The following FAT3 variants were observed in gnomAD, a reference collection of about 807,000 sequenced individuals.
The protein encoded by FAT3 is protocadherin Fat 3.
FAT3 carries 95 observed loss-of-function variants against 310.2 expected under a neutral mutation model. The observed-to-expected ratio is 0.31, with a 90% CI of 0.26 to 0.36. The LOEUF (loss-of-function observed/expected upper bound fraction) is 0.36, where lower values mean the gene tolerates loss of function less well. Among genes scored for constraint, FAT3 ranks in the 10% least tolerant of loss-of-function variants. FAT3 has a pLI of 1.00. For synonymous variants in FAT3, 2,314 were observed against 2,192.9 expected (o/e 1.06, Z -1.54); for missense variants, 5,408 against 5,715.6 (o/e 0.95, Z 1.74).
intron 4 of FAT3, among the ~76,000 whole-genome samples, chr11:92,710,670 A>C (rs772327147): frequency 4.1e-4 from 63 of 152,198 alleles, no homozygotes; most frequent in Non-Finnish European, 8.5e-4. Flanking sequence ...TGCTTGCTTC[A>C]TCTCTGAATG....
At chr11:92,481,199 G>C (rs1361646264) in intron 2 of FAT3, among the ~76,000 whole-genome samples, 1 of 152,164 alleles carries the variant, frequency 6.6e-6, no homozygotes, top group Non-Finnish European at 1.5e-5. Flanking sequence ...AAAAGGAATT[G>C]TGCTGTTTCC....
intron 2 of FAT3, among the ~76,000 whole-genome samples, chr11:92,412,077 G>A (rs1950282009): frequency 1.3e-5 from 2 of 151,586 alleles, no homozygotes; most frequent in Admixed American, 6.6e-5. Context: ...GGAGTAGATG[G>A]GCATCTTATC....
At chr11:92,282,737 G>T (rs1026631378) in intron 1 of FAT3, among the ~76,000 whole-genome samples, 6 of 151,808 alleles carry the variant, frequency 4.0e-5, no homozygotes, top group African/African-American at 1.2e-4. Context: ...ATGCTTTAAG[G>T]ATCCTAAGTG....
chr11:92,260,841 A>T (rs1184799450), intron 1 of FAT3, among the ~76,000 whole-genome samples: 4 of 152,064 alleles, frequency 2.6e-5, no homozygotes, highest in African/African-American at 9.7e-5. Flanking sequence ...GAGTCGAGAC[A>T]ATTTTGAGAA....
Position 92,891,117 on chromosome 11 carries a change from T to C in FAT3, c.*4T>C. On this transcript the variant is annotated 3_prime_UTR_variant, in exon 28 of 28. Transcript: ENST00000525166. ...TCAGCATCAGACTCAAGTGTAGACA[T>C]CACATCTTGGGTACTTCACCCTGTT... The C allele has an allele frequency of 6.2e-7, 1 of 1,612,470 alleles. No individual in the cohort carries two copies. The highest frequency in any genetic ancestry group is 8.5e-7 in the Non-Finnish European group (1 of 1,179,218).
chr11:92,458,055 C>G (rs1951541562), intron 2 of FAT3, among the ~76,000 whole-genome samples: 2 of 152,210 alleles, frequency 1.3e-5, no homozygotes, highest in Admixed American at 6.5e-5. Context: ...TTCTTTAAAG[C>G]CTACTGCTTA....
At chr11:92,886,373 T>A (rs1379472837) in intron 24 of FAT3, among the ~76,000 whole-genome samples, 1 of 151,552 alleles carries the variant, frequency 6.6e-6, no homozygotes, top group Non-Finnish European at 1.5e-5. Flanking sequence ...ATCTGTGTGT[T>A]TCTGACTGTC....
intron 18 of FAT3, among the ~76,000 whole-genome samples, chr11:92,843,707 G>A (rs1370395987): frequency 6.6e-6 from 1 of 152,182 alleles, no homozygotes; most frequent in Non-Finnish European, 1.5e-5. Context: ...CGGCTTTATT[G>A]TGTTGATACA....
At chr11:92,569,001 G>T (rs1258784030) in intron 3 of FAT3, among the ~76,000 whole-genome samples, 7 of 152,116 alleles carry the variant, frequency 4.6e-5, no homozygotes, top group Non-Finnish European at 1.0e-4. Flanking sequence ...TTTTACTTTG[G>T]GAGGAATTTC....
intron 2 of FAT3, among the ~76,000 whole-genome samples, chr11:92,412,734 T>TATATACACACAC (rs1555038577): frequency 8.4e-5 from 1 of 11,880 alleles, no homozygotes; most frequent in Non-Finnish European, 2.4e-4. Context: ...TATATATATA[T>TATATACACACAC]ATATATATAT....
intron 1 of FAT3, among the ~76,000 whole-genome samples, chr11:92,259,856 AC>A (rs1865469679): frequency 6.6e-6 from 1 of 152,142 alleles, no homozygotes; most frequent in African/African-American, 2.4e-5. Flanking sequence ...GAGATTTTCA[AC>A]CTGCTTTCAT....
chr11:92,410,151 A>AT (rs149314482), intron 2 of FAT3, among the ~76,000 whole-genome samples: 37 of 151,626 alleles, frequency 2.4e-4, no homozygotes, highest in African/African-American at 5.3e-4. Context: ...GTGGTTGGTG[A>AT]TTTTTTTTTA....
At chr11:92,709,552 CG>C (rs1487251431) in intron 4 of FAT3, among the ~76,000 whole-genome samples, 1 of 152,140 alleles carries the variant, frequency 6.6e-6, no homozygotes, top group Non-Finnish European at 1.5e-5. Context: ...CAGATTACTC[CG>C]CTTTGTACCC....
At chr11:92,756,860 G>C (rs2136070574) in intron 4 of FAT3, among the ~76,000 whole-genome samples, 1 of 148,176 alleles carries the variant, frequency 6.7e-6, no homozygotes, top group Middle Eastern at 3.6e-3. Flanking sequence ...TTTTGTAATT[G>C]TCCTGCCTCC....
At chr11:92,497,556 G>A (rs1032742585) in intron 2 of FAT3, among the ~76,000 whole-genome samples, 1 of 152,022 alleles carries the variant, frequency 6.6e-6, no homozygotes, top group Non-Finnish European at 1.5e-5. Context: ...AAATGTAATA[G>A]TTGGCTGGAG....
At chr11:92,463,666 G>A (rs138988179) in intron 2 of FAT3, among the ~76,000 whole-genome samples, 1 of 152,148 alleles carries the variant, frequency 6.6e-6, no homozygotes, top group African/African-American at 2.4e-5. Context: ...AGACTCACTG[G>A]ATCAGCTGTT....
Position 92,335,810 on chromosome 11 carries a change from G to A in FAT3, c.-17-16286G>A, listed in dbSNP as rs576919057. Among the ~76,000 whole-genome samples, 93 of 152,240 alleles carry A rather than the reference G, an allele frequency of 6.1e-4. 1 individual carries two copies. In the Middle Eastern group the frequency reaches 0.01, roughly 17 times the overall value. ...GGAAATTGAAAATGAAATTAAAATG[G>A]AATCAGTGGAGAAGGAAGAAGGAGA... On this transcript the variant is annotated intron_variant, in intron 1 of 27. Transcript: ENST00000525166.
intron 7 of FAT3, among the ~76,000 whole-genome samples, chr11:92,778,601 A>G (rs1179626145): frequency 1.3e-5 from 2 of 152,228 alleles, no homozygotes; most frequent in African/African-American, 4.8e-5. Flanking sequence ...AAATTTTGGC[A>G]TGTGTATATG....
Position 92,277,793 on chromosome 11 carries a change from T to C in FAT3, c.-18+52619T>C, listed in dbSNP as rs1435459760. On this transcript the variant is annotated intron_variant, in intron 1 of 27. Coordinates refer to ENST00000525166, the MANE Select transcript of FAT3 (RefSeq NM_001367949.2). Reference sequence around the variant, plus strand: ...TGACGGGGTCACTTGTACTCCAAACTCAGAATCACACCATATACATTTGTA... The same window carrying C: ...TGACGGGGTCACTTGTACTCCAAACCCAGAATCACACCATATACATTTGTA... 4.6e-5 allele frequency among the ~76,000 whole-genome samples: 7 copies of C among 151,748 alleles called. No individual in the cohort carries two copies. In the South Asian group the frequency reaches 8.3e-4, roughly 18 times the overall value.
Sources: gnomAD v4.1 joint callset for allele counts (sites outside exome capture counted in the v4.1 genomes callset) on GRCh38, gnomAD v4.1.1 for gene constraint, MANE v1.5 for transcripts, NCBI Gene and HGNC (gene_info 2026-07-23, HGNC 2026-07-21) for gene names.